Variants in DNAH7 observed in about 807,000 individuals in gnomAD.
DNAH7 encodes the protein axonemal beta dynein heavy chain 7.
A neutral mutation model predicts 444.6 loss-of-function variants in DNAH7; 397 were observed. The ratio of observed to expected loss-of-function variants is 0.89; its 90% CI spans 0.82 to 0.97. DNAH7 has a LOEUF of 0.97. Among genes scored for constraint, DNAH7 ranks in the 50% least tolerant of loss-of-function variants. The pLI is 0.00. For missense variants in DNAH7, 4,902 were observed against 4,800.8 expected, an observed-to-expected ratio of 1.02 and a Z score of -0.62; for synonymous variants, 1,636 against 1,624.4, an observed-to-expected ratio of 1.01 and a Z score of -0.17.
intron 61 of DNAH7, among the ~76,000 whole-genome samples, chr2:195,768,518 G>A (rs1232512504): frequency 2.0e-5 from 3 of 151,758 alleles, no homozygotes; most frequent in Non-Finnish European, 2.9e-5. Context: ...CCATTCCTGT[G>A]CTTATAGCTT....
chr2:195,807,649 A>G (rs528379709), intron 53 of DNAH7, among the ~76,000 whole-genome samples: 13 of 152,310 alleles, frequency 8.5e-5, no homozygotes, highest in Admixed American at 3.3e-4. Context: ...GAGAGCTATT[A>G]AAAAATCACA....
At chr2:195,990,775 TTGTGTGTGTGTGTGTG>T (rs140976714) in intron 12 of DNAH7, among the ~76,000 whole-genome samples, 7 of 132,948 alleles carry the variant, frequency 5.3e-5, no homozygotes, top group East Asian at 4.3e-4. Flanking sequence ...TATAGCTTTG[TTGTGTGTGTGTGTGTG>T]TGTGTGTGTG....
chr2:195,885,988 T>C (rs919740544), intron 34 of DNAH7, among the ~76,000 whole-genome samples, 153 bp downstream of exon 34: 3 of 152,282 alleles, frequency 2.0e-5, no homozygotes, highest in East Asian at 3.9e-4. Context: ...CACTCAGAAT[T>C]TGGGGCCTGG....
intron 54 of DNAH7, among the ~76,000 whole-genome samples, chr2:195,802,250 C>T (rs1230692937): frequency 2.0e-5 from 3 of 152,192 alleles, no homozygotes; most frequent in Admixed American, 1.3e-4. Context: ...GTGGCTCACA[C>T]CTGTGATCCC....
intron 51 of DNAH7, among the ~76,000 whole-genome samples, chr2:195,815,472 A>G (rs1697176599): frequency 6.6e-6 from 1 of 152,226 alleles, no homozygotes; most frequent in Non-Finnish European, 1.5e-5. Flanking sequence ...TCAAAATTTT[A>G]GACCTCTACT....
chr2:195,916,447 C>T (rs1687682394), intron 24 of DNAH7, among the ~76,000 whole-genome samples: 1 of 150,112 alleles, frequency 6.7e-6, no homozygotes, highest in Non-Finnish European at 1.5e-5. Flanking sequence ...ACCCCCCCAC[C>T]CCTGCCCCAC....
At chr2:195,995,718 G>A (rs938551485) in intron 12 of DNAH7, 10 of 171,210 alleles carry the variant, frequency 5.8e-5, no homozygotes. Context: ...GAGGGCGCTG[G>A]GACTGTCCCA....
chr2:195,758,361 T>A (rs530238871), intron 61 of DNAH7, among the ~76,000 whole-genome samples: 1 of 152,358 alleles, frequency 6.6e-6, no homozygotes, highest in South Asian at 2.1e-4. Flanking sequence ...TTATTCTGAT[T>A]TTTTGTTTCT....
chr2:196,055,848 C>A (rs1345168293), intron 2 of DNAH7, among the ~76,000 whole-genome samples: 1 of 152,176 alleles, frequency 6.6e-6, no homozygotes, highest in Non-Finnish European at 1.5e-5. Flanking sequence ...ACTGCCACCA[C>A]CCTGACTTTT....
At chr2:196,051,152 CA>C in intron 3 of DNAH7, 34 bp downstream of exon 3, 1 of 1,584,236 alleles carries the variant, frequency 6.3e-7, no homozygotes, top group Non-Finnish European at 8.6e-7. Flanking sequence ...TTTTGAAGCA[CA>C]AAAATTCAAT....
chr2:195,926,296 A>T (rs1574790088), intron 22 of DNAH7, 130 bp downstream of exon 22: 2 of 803,604 alleles, frequency 2.5e-6, no homozygotes, highest in Non-Finnish European at 3.4e-6. Flanking sequence ...AAAAATCTGT[A>T]ATTTGGCTTG....
chr2:195,900,484 C>T lies in DNAH7; in HGVS notation c.4346G>A (p.Arg1449Gln), dbSNP rs552432476. The change falls in exon 28 of 65, where the codon CGG becomes CAG. Residue 1449 changes from arginine to glutamine, a missense_variant. Arg to Gln is a conservative substitution (Grantham distance 43). Transcript: ENST00000312428. ...ELPDNLKALF[R>Q]TVAMMVPDYA... ...GTCAGGTACCATCATTGCTACTGTC[C>T]GAAAGAGAGCCTATGGGTAGGTAGA... The T allele has an allele frequency of 9.9e-6, 16 of 1,613,552 alleles. No individual in the cohort carries two copies. The highest frequency in any genetic ancestry group is 4.4e-5 in the South Asian group (4 of 91,034).
chr2:196,050,008 T>A (rs968489925), intron 3 of DNAH7, among the ~76,000 whole-genome samples: 4 of 152,232 alleles, frequency 2.6e-5, no homozygotes, highest in African/African-American at 7.2e-5. Context: ...AATAAAAGCA[T>A]ATTTTCAATT....
Position 195,960,626 on chromosome 2 carries a change from T to C in DNAH7, c.2525A>G (p.Gln842Arg). 6.2e-7 allele frequency: 1 copy of C among 1,614,240 alleles called. No individual in the cohort carries two copies. The highest frequency in any genetic ancestry group is 1.6e-4 in the Middle Eastern group (1 of 6,062). The change falls in exon 18 of 65, where the codon CAA becomes CGA. Residue 842 changes from glutamine to arginine, a missense_variant. Physicochemically the swap from Gln to Arg is conservative, Grantham distance 43. Coordinates refer to ENST00000312428, the MANE Select transcript of DNAH7 (RefSeq NM_018897.3). ...EDFKQHIPLI[Q>R]VICNPGLRPR... ...GCGCAAACCAGGATTACAGATCACT[T>C]GAATGAGAGGAATGTGCTGCTTGAA...
Position 195,998,969 on chromosome 2 carries a change from T to C in DNAH7, c.1353+1735A>G, listed in dbSNP as rs573778007. The C allele has an allele frequency of 5.1e-4, 313 of 612,996 alleles. 2 individuals carry two copies. The East Asian group carries it at 7.3e-3, about 14-fold the overall frequency. 38.0% of individuals were successfully genotyped at this position (612,996 alleles called of 1,614,324 possible). The stretch of plus-strand genomic sequence containing the variant: ...GTCATTATGTGCAGAAGTGAGCAGC[T>C]GCCCTGGGGACCCTGCTGATCCTTG... On this transcript the variant is annotated intron_variant, in intron 12 of 64. Coordinates refer to ENST00000312428, the MANE Select transcript of DNAH7 (RefSeq NM_018897.3).
intron 5 of DNAH7, among the ~76,000 whole-genome samples, chr2:196,028,699 T>C (rs1221219566): frequency 6.6e-6 from 1 of 152,220 alleles, no homozygotes; most frequent in Non-Finnish European, 1.5e-5. Context: ...GAAAAATAAG[T>C]TGTTGTGGGA....
At chr2:195,888,476 A>C in intron 32 of DNAH7, 42 bp from the exon 33 acceptor site, 15 of 1,531,586 alleles carry the variant, frequency 9.8e-6, no homozygotes, top group Non-Finnish European at 1.3e-5. Context: ...AATAATGCTT[A>C]TAAAATAAAT....
chr2:195,987,763 A>C (rs1391670765), intron 13 of DNAH7, among the ~76,000 whole-genome samples, 194 bp downstream of exon 13: 1 of 152,112 alleles, frequency 6.6e-6, no homozygotes, highest in Non-Finnish European at 1.5e-5. Flanking sequence ...CTACATGAGC[A>C]CAAGAATTGT....
chr2:195,775,730 T>C, intron 60 of DNAH7, 116 bp downstream of exon 60: 1 of 1,192,060 alleles, frequency 8.4e-7, no homozygotes, highest in Non-Finnish European at 1.1e-6. Flanking sequence ...TCTTTTCCTT[T>C]AAATGTTTCT....
Sources: gnomAD v4.1 joint callset for allele counts (sites outside exome capture counted in the v4.1 genomes callset) on GRCh38, gnomAD v4.1.1 for gene constraint, MANE v1.5 for transcripts, NCBI Gene and HGNC (gene_info 2026-07-23, HGNC 2026-07-21) for gene names.